NOMO1: variants seen among roughly 807,000 people sequenced by gnomAD.
NOMO1 encodes NODAL modulator 1.
A neutral mutation model predicts 133.8 loss-of-function variants in NOMO1; 40 were observed. The ratio of observed to expected loss-of-function variants is 0.30; its 90% CI spans 0.23 to 0.39. NOMO1 has a LOEUF of 0.39. Ranked by LOEUF, NOMO1 falls within the 10% of genes least tolerant of loss-of-function variation. The pLI, the probability that NOMO1 is intolerant of heterozygous loss-of-function variation, is 1.00. For synonymous variants in NOMO1, 236 were observed against 570.5 expected, an observed-to-expected ratio of 0.41 and a Z score of 8.36; for missense variants, 462 against 1,419.9, an observed-to-expected ratio of 0.33 and a Z score of 10.84.
intron 11 of NOMO1, among the ~76,000 whole-genome samples, chr16:14,860,678 G>A (rs934315903): frequency 1.3e-4 from 20 of 151,820 alleles, no homozygotes; most frequent in African/African-American, 4.4e-4. Context: ...AGATGGAGGC[G>A]GCGCTGTTCA....
chr16:14,871,407 G>A (rs1337442773), intron 16 of NOMO1, among the ~76,000 whole-genome samples: 3 of 152,096 alleles, frequency 2.0e-5, no homozygotes, highest in African/African-American at 7.3e-5. Flanking sequence ...TCATGCGCCT[G>A]TGATCGCGCC....
chr16:14,844,324 G>A (rs1230124298), intron 3 of NOMO1, among the ~76,000 whole-genome samples: 2 of 151,932 alleles, frequency 1.3e-5, no homozygotes, highest in Non-Finnish European at 2.9e-5. Flanking sequence ...TCAGTGCCTG[G>A]TCGTTGATGA....
intron 29 of NOMO1, among the ~76,000 whole-genome samples, chr16:14,893,328 C>T (rs911850471): frequency 1.3e-5 from 2 of 151,780 alleles, no homozygotes; most frequent in African/African-American, 4.9e-5. Context: ...GCTGGAATTA[C>T]AGGCATGCAC....
intron 11 of NOMO1, among the ~76,000 whole-genome samples, chr16:14,862,047 A>G (rs959782895): frequency 6.6e-6 from 1 of 151,422 alleles, no homozygotes; most frequent in African/African-American, 2.4e-5. Context: ...ATCTTCCACC[A>G]TTTCCTTGTG....
intron 9 of NOMO1, among the ~76,000 whole-genome samples, chr16:14,856,504 C>T (rs1334078736): frequency 2.0e-5 from 3 of 151,546 alleles, no homozygotes; most frequent in East Asian, 1.9e-4. Context: ...CTCCGCATCC[C>T]GAGTTGAAGC....
intron 1 of NOMO1, among the ~76,000 whole-genome samples, chr16:14,836,247 T>C (rs1247597313): frequency 1.3e-5 from 2 of 152,054 alleles, no homozygotes. Context: ...TTGTCACCTG[T>C]AGCAAATTCA....
chr16:14,864,512 T>G (rs568826149), intron 12 of NOMO1, 73 bp from the exon 13 acceptor site: 1 of 1,598,572 alleles, frequency 6.3e-7, no homozygotes, highest in South Asian at 1.1e-5. Context: ...CAGATGAATG[T>G]TCTAGCGCCC....
chr16:14,838,735 A>G (rs979479579), intron 2 of NOMO1, among the ~76,000 whole-genome samples: 1 of 151,408 alleles, frequency 6.6e-6, no homozygotes, highest in Non-Finnish European at 1.5e-5. Context: ...TTGTTGTGAC[A>G]TCTGTGGCTG....
Position 14,875,333 on chromosome 16 carries a change from A to G in NOMO1, c.2274-7A>G, listed in dbSNP as rs1207218600. 1 of 1,601,662 alleles carries G rather than the reference A, an allele frequency of 6.2e-7. No individual in the cohort carries two copies. The highest frequency in any genetic ancestry group is 8.5e-7 in the Non-Finnish European group (1 of 1,173,334). On this transcript the variant is annotated splice_region_variant and splice_polypyrimidine_tract_variant and intron_variant, in intron 19 of 30. Transcript: ENST00000287667. The stretch of plus-strand genomic sequence containing the variant: ...CCCGCCAAACTGAAGTATATTAATT[A>G]TTTTAGGTCTGGAGAGAAAATCACT...
chr16:14,835,264 A>G (rs1424690951), intron 1 of NOMO1, among the ~76,000 whole-genome samples: 2 of 150,226 alleles, frequency 1.3e-5, no homozygotes, highest in East Asian at 3.9e-4. Flanking sequence ...GCTTTTTCAG[A>G]CTGAAGAGGT....
At chr16:14,856,009 C>T (rs1963828597) in intron 9 of NOMO1, among the ~76,000 whole-genome samples, 1 of 151,984 alleles carries the variant, frequency 6.6e-6, no homozygotes, top group South Asian at 2.1e-4. Flanking sequence ...AAGAAGGGCT[C>T]CCTGCATAAA....
intron 1 of NOMO1, among the ~76,000 whole-genome samples, chr16:14,836,975 G>A (rs1963525040): frequency 6.6e-6 from 1 of 151,878 alleles, no homozygotes; most frequent in African/African-American, 2.4e-5. Flanking sequence ...AAAGTGCTGG[G>A]ATTACAGGCG....
intron 13 of NOMO1, 129 bp from the exon 14 acceptor site, chr16:14,864,895 C>T (rs1597102929): frequency 9.7e-6 from 11 of 1,131,970 alleles, no homozygotes; most frequent in Admixed American, 6.1e-5. Context: ...AGAAGCACTC[C>T]GTCTGCCTCC....
At chr16:14,836,277 T>A (rs28720080) in intron 1 of NOMO1, among the ~76,000 whole-genome samples, 320 of 147,644 alleles carry the variant, frequency 2.2e-3, no homozygotes, top group African/African-American at 8.5e-3. Flanking sequence ...TAGAGTAAGC[T>A]AGACACTGTC....
Position 14,866,601 on chromosome 16 carries a change from G to T in NOMO1, c.1716G>T (p.Glu572Asp). The T allele has an allele frequency of 6.2e-7, 1 of 1,610,054 alleles. No individual in the cohort carries two copies. The highest frequency in any genetic ancestry group is 8.5e-7 in the Non-Finnish European group (1 of 1,179,750). ...GGTGCTGGAAGAACAAGAGCCTGGAGGTGGAAGTGCTGGAGGATGACATGT... is the reference window on the plus strand; with the variant it reads ...GGTGCTGGAAGAACAAGAGCCTGGATGTGGAAGTGCTGGAGGATGACATGT... ...EDWCWKNKSL[E>D]VEVLEDDMSA... The change falls in exon 15 of 31, where the codon GAG (glutamate) becomes GAT (aspartate). Residue 572 changes from glutamate (E) to aspartate (D), a missense_variant. By Grantham distance (45) the Glu-to-Asp change is conservative (BLOSUM62 2). Coordinates refer to ENST00000287667, the MANE Select transcript of NOMO1 (RefSeq NM_014287.4).
At chr16:14,838,282 G>A (rs1220683797) in intron 1 of NOMO1, 125 bp from the exon 2 acceptor site, 2 of 913,840 alleles carry the variant, frequency 2.2e-6, no homozygotes, top group Non-Finnish European at 3.4e-6. Context: ...AATGCCCCGT[G>A]TTAAAAGCTG....
Position 14,876,800 on chromosome 16 carries a change from A to G in NOMO1, c.2643+10A>G, listed in dbSNP as rs369435575. The G allele has an allele frequency of 1.7e-5, 28 of 1,609,840 alleles. No homozygotes were observed. The highest frequency in any genetic ancestry group is 2.4e-5 in the Non-Finnish European group (28 of 1,179,480). ...AGGCGTAAGCTTTGAGGTAACTAAC[A>G]CTGTATTTTCAAAAGGCAGTTATAC... On this transcript the variant is annotated intron_variant, in intron 22 of 30. Coordinates refer to ENST00000287667, the MANE Select transcript of NOMO1 (RefSeq NM_014287.4).
rs2151001786 is a variant in NOMO1, at chr16:14,864,587, G to A, written c.1398G>A (p.Val466=). The part of the protein sequence containing the change: ...KAKPGTYKVQ[V]MVPEAETRAG... ...ACGTTCCATCCACGTTTCCACAGGTGATGGTTCCTGAGGCAGAAACCAGAG... is the reference window on the plus strand; with the variant it reads ...ACGTTCCATCCACGTTTCCACAGGTAATGGTTCCTGAGGCAGAAACCAGAG... Residue 466 remains valine, a splice_region_variant and synonymous_variant, in exon 13 of 31, where the codon GTG becomes GTA. Transcript: ENST00000287667. The A allele has an allele frequency of 1.9e-6, 3 of 1,612,852 alleles. No homozygotes were observed. The highest frequency in any genetic ancestry group is 4.5e-5 in the East Asian group (2 of 44,870).
chr16:14,873,754 G>A (rs1354055277), intron 18 of NOMO1, among the ~76,000 whole-genome samples: 1 of 151,790 alleles, frequency 6.6e-6, no homozygotes, highest in Admixed American at 6.6e-5. Flanking sequence ...AGGTTGTATG[G>A]AATGCATCTT....
Sources: allele counts gnomAD v4.1 joint callset (sites outside exome capture counted in the v4.1 genomes callset), GRCh38; gene constraint gnomAD v4.1.1; transcripts MANE v1.5; gene names NCBI Gene and HGNC (gene_info 2026-07-23, HGNC 2026-07-21).